TFAP2D: variants seen among roughly 807,000 people sequenced by gnomAD.
TFAP2D encodes transcription factor AP-2 delta.
A neutral mutation model predicts 43.6 loss-of-function variants in TFAP2D; 9 were observed. That is an observed-to-expected ratio of 0.21 (90% confidence interval 0.12 to 0.36). The LOEUF (loss-of-function observed/expected upper bound fraction) is 0.36. Among genes scored for constraint, TFAP2D ranks in the 10% least tolerant of loss-of-function variants. TFAP2D has a pLI of 1.00. For synonymous variants in TFAP2D, 256 were observed against 224.9 expected (o/e 1.14, Z -1.24); for missense variants, 513 against 561.4 (o/e 0.91, Z 0.87).
At position 50,724,308 on chromosome 6, in the gene TFAP2D, A is replaced by G. The variant is rs1433418269; in HGVS notation, c.599-4548A>G. Among the ~76,000 whole-genome samples the G allele has an allele frequency of 2.6e-5, 4 of 152,312 alleles. No individual in the cohort carries two copies. The East Asian group carries it at 7.7e-4, about 29-fold the overall frequency. ...AGAAAAAAAAGAGCGATCACTGGAG[A>G]TGAAGAAGGGGAGAAGAAAAATCCC... is the stretch of plus-strand genomic sequence containing the variant. On this transcript the variant is annotated intron_variant, in intron 3 of 7. Coordinates refer to ENST00000008391, the MANE Select transcript of TFAP2D (RefSeq NM_172238.4).
chr6:50,719,332 G>A (rs1335672816), intron 3 of TFAP2D, among the ~76,000 whole-genome samples, 182 bp downstream of exon 3: 2 of 152,028 alleles, frequency 1.3e-5, no homozygotes, highest in Admixed American at 1.3e-4. Flanking sequence ...TTTCATCAAG[G>A]TTTGAACCCA....
intron 3 of TFAP2D, among the ~76,000 whole-genome samples, chr6:50,723,444 T>C (rs1278312838): frequency 6.6e-6 from 1 of 152,192 alleles, no homozygotes; most frequent in African/African-American, 2.4e-5. Context: ...AGCCTTGCTC[T>C]TCTTCCTTTG....
At chr6:50,758,413 C>A (rs1470723564) in intron 7 of TFAP2D, among the ~76,000 whole-genome samples, 1 of 151,946 alleles carries the variant, frequency 6.6e-6, no homozygotes, top group Non-Finnish European at 1.5e-5. Flanking sequence ...TTCCATTTCC[C>A]AATGTCCCAC....
At chr6:50,743,073 T>G (rs1769075976) in intron 5 of TFAP2D, among the ~76,000 whole-genome samples, 1 of 151,888 alleles carries the variant, frequency 6.6e-6, no homozygotes, top group Admixed American at 6.6e-5. Flanking sequence ...ACTAGCACTA[T>G]TCAGATTAAT....
intron 5 of TFAP2D, among the ~76,000 whole-genome samples, chr6:50,738,451 A>G (rs193005312): frequency 6.6e-6 from 1 of 152,220 alleles, no homozygotes; most frequent in Non-Finnish European, 1.5e-5. Context: ...AACACTGTAC[A>G]AGGCCTTTTT....
At chr6:50,755,750 C>A (rs1481566000) in intron 7 of TFAP2D, among the ~76,000 whole-genome samples, 1 of 151,916 alleles carries the variant, frequency 6.6e-6, no homozygotes, top group African/African-American at 2.4e-5. Context: ...GACTTCAAGA[C>A]CAGGCTGTGC....
At chr6:50,766,862 G>T (rs1287900059) in intron 7 of TFAP2D, among the ~76,000 whole-genome samples, 1 of 151,354 alleles carries the variant, frequency 6.6e-6, no homozygotes, top group Non-Finnish European at 1.5e-5. Context: ...TAGAGATGGG[G>T]TTTCACCTTG....
chr6:50,716,663 C>A (rs1487456477), intron 2 of TFAP2D, among the ~76,000 whole-genome samples: 1 of 152,102 alleles, frequency 6.6e-6, no homozygotes. Flanking sequence ...CCACAAATAC[C>A]CAGAAAATAA....
chr6:50,722,143 C>T (rs933305077), intron 3 of TFAP2D, among the ~76,000 whole-genome samples: 1 of 152,218 alleles, frequency 6.6e-6, no homozygotes, highest in African/African-American at 2.4e-5. Flanking sequence ...TAGGTAATTA[C>T]CACCTAGATA....
At chr6:50,772,556 G>C (rs1356585134) in intron 7 of TFAP2D, 89 bp from the exon 8 acceptor site, 5 of 1,140,576 alleles carry the variant, frequency 4.4e-6, no homozygotes, top group Middle Eastern at 2.9e-4. Flanking sequence ...CTGTTTAATT[G>C]AATGTTCTGA....
At chr6:50,737,115 A>T (rs1768975206) in intron 5 of TFAP2D, among the ~76,000 whole-genome samples, 1 of 151,962 alleles carries the variant, frequency 6.6e-6, no homozygotes, top group African/African-American at 2.4e-5. Flanking sequence ...TGAGTAGCTG[A>T]GACCACAGAC....
intron 5 of TFAP2D, among the ~76,000 whole-genome samples, chr6:50,742,599 T>TAGAC (rs1446590756): frequency 1.3e-5 from 2 of 151,170 alleles, no homozygotes; most frequent in Admixed American, 1.3e-4. Flanking sequence ...GATAGATAGA[T>TAGAC]AGATAGATAG....
intron 5 of TFAP2D, among the ~76,000 whole-genome samples, chr6:50,741,105 A>G (rs1425028084): frequency 6.6e-6 from 1 of 151,460 alleles, no homozygotes; most frequent in Non-Finnish European, 1.5e-5. Flanking sequence ...ATTTAATATA[A>G]GTATTTAATA....
At chr6:50,729,524 G>C (rs1174651660) in intron 5 of TFAP2D, among the ~76,000 whole-genome samples, 1 of 152,068 alleles carries the variant, frequency 6.6e-6, no homozygotes, top group Non-Finnish European at 1.5e-5. Context: ...TACTAATCTT[G>C]GTAGTAATAG....
At chr6:50,741,699 T>TA (rs140519366) in intron 5 of TFAP2D, among the ~76,000 whole-genome samples, 7,406 of 139,904 alleles carry the variant, frequency 0.053, 595 homozygotes, top group African/African-American at 0.18. Context: ...TGTATTAAAT[T>TA]AAAAAAAAAA....
At chr6:50,758,893 A>G (rs536855316) in intron 7 of TFAP2D, among the ~76,000 whole-genome samples, 1 of 152,136 alleles carries the variant, frequency 6.6e-6, no homozygotes, top group Non-Finnish European at 1.5e-5. Flanking sequence ...GATTTTTACA[A>G]GGAAATGCAA....
At chr6:50,748,424 G>A (rs112381032) in intron 6 of TFAP2D, among the ~76,000 whole-genome samples, 36 of 151,964 alleles carry the variant, frequency 2.4e-4, no homozygotes, top group Middle Eastern at 3.4e-3. Flanking sequence ...TTTATTGAAT[G>A]AGAGATCCAA....
At chr6:50,763,319 T>C (rs1769391705) in intron 7 of TFAP2D, among the ~76,000 whole-genome samples, 1 of 152,116 alleles carries the variant, frequency 6.6e-6, no homozygotes, top group Admixed American at 6.6e-5. Context: ...AGAGACATCT[T>C]TCAAGGTTGA....
At chr6:50,722,998 T>C (rs1247283837) in intron 3 of TFAP2D, among the ~76,000 whole-genome samples, 1 of 152,222 alleles carries the variant, frequency 6.6e-6, no homozygotes, top group Non-Finnish European at 1.5e-5. Context: ...AGCGCTTTCC[T>C]GATTGCCCGT....
Sources: gnomAD v4.1 joint callset for allele counts (sites outside exome capture counted in the v4.1 genomes callset) on GRCh38, gnomAD v4.1.1 for gene constraint, MANE v1.5 for transcripts, NCBI Gene and HGNC (gene_info 2026-07-23, HGNC 2026-07-21) for gene names.